POGLUT2: variants seen among roughly 807,000 people sequenced by gnomAD.
POGLUT2 encodes the protein protein O-glucosyltransferase 2.
A neutral mutation model predicts 57.6 loss-of-function variants in POGLUT2; 47 were observed. The ratio of observed to expected loss-of-function variants is 0.82; its 90% confidence interval spans 0.65 to 1.04. The LOEUF (loss-of-function observed/expected upper bound fraction) is 1.04, where lower values mean the gene tolerates loss of function less well. Ranked by LOEUF, POGLUT2 falls within the 50% of genes least tolerant of loss-of-function variation. POGLUT2 has a pLI of 0.00. For synonymous variants in POGLUT2, 200 were observed against 218.8 expected (o/e 0.91, Z 0.76); for missense variants, 565 against 614.8 (o/e 0.92, Z 0.86).
At chr13:102,797,948 T>C (rs770054815) in intron 1 of POGLUT2, among the ~76,000 whole-genome samples, 10 of 152,244 alleles carry the variant, frequency 6.6e-5, no homozygotes, top group African/African-American at 9.6e-5. Context: ...AAAATAAGTT[T>C]TAAGTATGAT....
intron 7 of POGLUT2, 124 bp downstream of exon 7, chr13:102,788,888 C>G (rs1405684107): frequency 1.2e-6 from 1 of 827,974 alleles, no homozygotes; most frequent in African/African-American, 1.7e-5. Context: ...CAGGCAGCTT[C>G]CCATTTACAG....
chr13:102,788,978 A>G (rs779786998), intron 7 of POGLUT2, 34 bp downstream of exon 7: 1 of 1,528,438 alleles, frequency 6.5e-7, no homozygotes, highest in East Asian at 2.2e-5. Context: ...TTGGGAAACA[A>G]GTGGAAATAA....
At chr13:102,795,175 C>G (rs1305406507) in intron 2 of POGLUT2, among the ~76,000 whole-genome samples, 7 of 150,410 alleles carry the variant, frequency 4.7e-5, no homozygotes, top group African/African-American at 1.5e-4. Flanking sequence ...TCGCTTGAAC[C>G]CGGGAGGCAG....
At chr13:102,790,874 A>G in intron 6 of POGLUT2, 27 bp downstream of exon 6, 1 of 1,435,638 alleles carries the variant, frequency 7.0e-7, no homozygotes, top group Non-Finnish European at 9.8e-7. Context: ...GAAAAACAAA[A>G]AAGATTAGCT....
At chr13:102,788,614 G>A (rs1413752280) in intron 7 of POGLUT2, among the ~76,000 whole-genome samples, 1 of 152,150 alleles carries the variant, frequency 6.6e-6, no homozygotes, top group African/African-American at 2.4e-5. Context: ...AGCCTCCCCA[G>A]TAGCTGGGAT....
At chr13:102,795,094 A>T (rs1167735803) in intron 2 of POGLUT2, among the ~76,000 whole-genome samples, 2 of 151,798 alleles carry the variant, frequency 1.3e-5, no homozygotes, top group African/African-American at 2.4e-5. Flanking sequence ...TCTACTAAAA[A>T]TACAAAAATT....
intron 2 of POGLUT2, among the ~76,000 whole-genome samples, chr13:102,796,498 A>G (rs1878395222): frequency 6.6e-6 from 1 of 151,082 alleles, no homozygotes; most frequent in Admixed American, 6.6e-5. Flanking sequence ...TTAAGAAAGT[A>G]TCATATATGA....
chr13:102,788,559 T>A (rs964849923), intron 7 of POGLUT2, among the ~76,000 whole-genome samples: 1 of 152,202 alleles, frequency 6.6e-6, no homozygotes, highest in Non-Finnish European at 1.5e-5. Flanking sequence ...TGGTCTCGGC[T>A]CACTGCAACC....
At chr13:102,790,227 T>G (rs1318121909) in intron 6 of POGLUT2, among the ~76,000 whole-genome samples, 1 of 152,206 alleles carries the variant, frequency 6.6e-6, no homozygotes, top group Non-Finnish European at 1.5e-5. Flanking sequence ...AAAAGAAAAT[T>G]TGGTCATCTA....
Position 102,793,589 on chromosome 13 carries a change from C to A in POGLUT2, c.594+12G>T, listed in dbSNP as rs1478757264. ...TCACTAAAACAAACAAGCAAAAAAT[C>A]ATGTGTTGTACCTTGTTATCCTTTA... On this transcript the variant is annotated intron_variant, in intron 3 of 9. Coordinates refer to ENST00000376004, the MANE Select transcript of POGLUT2 (RefSeq NM_024089.3). The A allele has an allele frequency of 6.2e-7, 1 of 1,603,224 alleles. No individual in the cohort carries two copies.
chr13:102,788,136 T>C (rs111390008), intron 7 of POGLUT2, among the ~76,000 whole-genome samples: 3 of 152,236 alleles, frequency 2.0e-5, no homozygotes, highest in African/African-American at 7.2e-5. Context: ...AAAGTCATAT[T>C]GGACCTTCTA....
At chr13:102,796,303 A>AAAAAT (rs1555319507) in intron 2 of POGLUT2, among the ~76,000 whole-genome samples, 2 of 143,060 alleles carry the variant, frequency 1.4e-5, no homozygotes, top group African/African-American at 5.4e-5. Flanking sequence ...CAAAAAAAAA[A>AAAAAT]AAAAAAAAAT....
chr13:102,789,313 T>G, intron 6 of POGLUT2, 92 bp from the exon 7 acceptor site: 10 of 1,057,962 alleles, frequency 9.5e-6, no homozygotes, highest in South Asian at 2.8e-5. Context: ...ACCTTTGCAA[T>G]CCTCAGACAC....
chr13:102,788,031 T>C, intron 7 of POGLUT2, 108 bp from the exon 8 acceptor site: 1 of 582,608 alleles, frequency 1.7e-6, no homozygotes, highest in Non-Finnish European at 3.1e-6. Context: ...CTGTGGGAAA[T>C]AATATCTTTG....
At chr13:102,788,627 C>T (rs1471820341) in intron 7 of POGLUT2, among the ~76,000 whole-genome samples, 2 of 152,184 alleles carry the variant, frequency 1.3e-5, no homozygotes, top group Admixed American at 6.5e-5. Context: ...GCTGGGATTA[C>T]AGGCACCCAT....
intron 8 of POGLUT2, among the ~76,000 whole-genome samples, chr13:102,787,581 A>C (rs1287394473): frequency 6.6e-6 from 1 of 152,206 alleles, no homozygotes; most frequent in Non-Finnish European, 1.5e-5. Context: ...ATCAGAGGCC[A>C]ATTTCTTAGT....
intron 2 of POGLUT2, among the ~76,000 whole-genome samples, chr13:102,796,557 A>G (rs1878396940): frequency 6.6e-6 from 1 of 150,878 alleles, no homozygotes; most frequent in African/African-American, 2.4e-5. Context: ...TTCGCGGAGT[A>G]AATTCTCTAC....
In POGLUT2 at chr13:102,793,601, C is replaced by T; in HGVS notation, c.594G>A (p.Lys198=). ...SLCHYTLKDN[K]VYIKTHGEHV... ...ACAAGCAAAAAATCATGTGTTGTAC[C>T]TTGTTATCCTTTAAGGTGTAGTGAC... Residue 198 remains lysine, a splice_region_variant and synonymous_variant, in exon 3 of 10, where the codon AAG becomes AAA. Transcript: ENST00000376004. The T allele has an allele frequency of 6.2e-7, 1 of 1,611,792 alleles. No homozygotes were observed. The highest frequency in any genetic ancestry group is 8.5e-7 in the Non-Finnish European group (1 of 1,178,210).
chr13:102,796,308 A>ATT (rs1328403930), intron 2 of POGLUT2, among the ~76,000 whole-genome samples: 2 of 132,082 alleles, frequency 1.5e-5, no homozygotes, highest in East Asian at 4.8e-4. Context: ...AAAAAAAAAA[A>ATT]AAAATAAATA....
Sources: gnomAD v4.1 joint callset for allele counts (sites outside exome capture counted in the v4.1 genomes callset) on GRCh38, gnomAD v4.1.1 for gene constraint, MANE v1.5 for transcripts, NCBI Gene and HGNC (gene_info 2026-07-23, HGNC 2026-07-21) for gene names.